PTK7: variants seen among roughly 807,000 people sequenced by gnomAD.
PTK7 encodes the protein inactive tyrosine-protein kinase 7.
PTK7 carries 39 observed loss-of-function variants against 116.6 expected under a neutral mutation model. That is an observed-to-expected ratio of 0.33 (90% CI 0.26 to 0.44). The LOEUF (loss-of-function observed/expected upper bound fraction) is 0.44, where lower values mean the gene tolerates loss of function less well. Ranked by LOEUF, PTK7 falls within the 20% of genes least tolerant of loss-of-function variation. The pLI is 1.00. For synonymous variants in PTK7, 546 were observed against 563.6 expected, an observed-to-expected ratio of 0.97 and a Z score of 0.44; for missense variants, 1,169 against 1,425.6, an observed-to-expected ratio of 0.82 and a Z score of 2.90.
Position 43,130,636 on chromosome 6 carries a change from G to T in PTK7, c.787G>T (p.Glu263Ter). The T allele has an allele frequency of 6.2e-7, 1 of 1,614,230 alleles. No homozygotes were observed. The highest frequency in any genetic ancestry group is 8.5e-7 in the Non-Finnish European group (1 of 1,180,042). ...GAGCCTGCAGTGGCTCTTTGAGGAT[G>T]AGACTCCCATCACTAACCGCAGTCG... ...PPSLQWLFED[E>*]TPITNRSRPP... The change falls in exon 5 of 20, where the codon GAG becomes TAG. Residue 263 changes from glutamate (E) to a stop codon, truncating the protein, a stop_gained. Coordinates refer to ENST00000230419, the MANE Select transcript of PTK7 (RefSeq NM_002821.5). LOFTEE classifies it high-confidence loss of function.
At position 43,143,938 on chromosome 6, in the gene PTK7, C is replaced by T. The variant is rs1184221838; in HGVS notation, c.2251+318C>T. 6.6e-6 allele frequency among the ~76,000 whole-genome samples: 1 copy of T among 152,212 alleles called. No individual in the cohort carries two copies. The highest frequency in any genetic ancestry group is 1.5e-5 in the Non-Finnish European group (1 of 68,038). On this transcript the variant is annotated intron_variant, in intron 14 of 19. Coordinates refer to ENST00000230419, the MANE Select transcript of PTK7 (RefSeq NM_002821.5). The surrounding 1 kb of genome is among the most constrained non-coding windows in gnomAD (Gnocchi z 4.2). Reference sequence around the variant, plus strand: ...ACGTTGCTGTTGCATGTCTTGTCTCCCTCTATGAGTCTAAGAGCTCCCCCA... The same window carrying T: ...ACGTTGCTGTTGCATGTCTTGTCTCTCTCTATGAGTCTAAGAGCTCCCCCA...
intron 1 of PTK7, among the ~76,000 whole-genome samples, chr6:43,119,769 C>T (rs2150414345): frequency 6.6e-6 from 1 of 152,310 alleles, no homozygotes; most frequent in East Asian, 1.9e-4. Flanking sequence ...TCACTGGCGT[C>T]TTCAGGAGAC....
chr6:43,098,269 A>G (rs1767365079), intron 1 of PTK7, among the ~76,000 whole-genome samples: 1 of 151,740 alleles, frequency 6.6e-6, no homozygotes, highest in Non-Finnish European at 1.5e-5. Flanking sequence ...CTGCTCTCAA[A>G]TCTATTCCCT....
chr6:43,157,831 AT>A (rs1291810395), intron 17 of PTK7, among the ~76,000 whole-genome samples: 3 of 151,460 alleles, frequency 2.0e-5, no homozygotes, highest in Non-Finnish European at 2.9e-5. Context: ...GGTTCAAGCG[AT>A]TCTTCTGCCT....
chr6:43,088,555 G>C (rs571549605), intron 1 of PTK7, among the ~76,000 whole-genome samples: 68 of 152,138 alleles, frequency 4.5e-4, no homozygotes, highest in African/African-American at 1.6e-3. Context: ...AGCCAGCTGT[G>C]GTGGTGCATG....
chr6:43,130,742 A>C (rs1769620926), intron 5 of PTK7, 81 bp downstream of exon 5: 2 of 1,520,462 alleles, frequency 1.3e-6, no homozygotes, highest in Admixed American at 1.7e-5. Flanking sequence ...TTTGTATCAC[A>C]GACATCACAG....
intron 1 of PTK7, among the ~76,000 whole-genome samples, chr6:43,108,989 T>A (rs1478700606): frequency 6.6e-6 from 1 of 152,242 alleles, no homozygotes; most frequent in Non-Finnish European, 1.5e-5. Context: ...TGCTTGATTC[T>A]TTACTGATTT....
intron 17 of PTK7, among the ~76,000 whole-genome samples, chr6:43,153,161 A>C (rs572006334): frequency 1.3e-5 from 2 of 151,866 alleles, no homozygotes; most frequent in East Asian, 3.9e-4. Flanking sequence ...CCCAGGCTGG[A>C]GTGCAGTGGC....
At chr6:43,100,511 CTG>C (rs1767515791) in intron 1 of PTK7, among the ~76,000 whole-genome samples, 1 of 149,952 alleles carries the variant, frequency 6.7e-6, no homozygotes, top group South Asian at 2.1e-4. Context: ...TCAAAGATGT[CTG>C]TTAAATCTGT....
At chr6:43,078,895 G>A (rs1051671791) in intron 1 of PTK7, among the ~76,000 whole-genome samples, 2 of 152,120 alleles carry the variant, frequency 1.3e-5, no homozygotes, top group Admixed American at 6.5e-5. Flanking sequence ...AAATTGAGTC[G>A]TCATGTTCTG....
At chr6:43,131,840 A>C in intron 5 of PTK7, 176 bp from the exon 6 acceptor site, 1 of 805,802 alleles carries the variant, frequency 1.2e-6, no homozygotes. Flanking sequence ...CGTGCACCTG[A>C]GCAAGTGTAT....
chr6:43,144,973 T>A, intron 15 of PTK7: 1 of 434,616 alleles, frequency 2.3e-6, no homozygotes, highest in East Asian at 3.4e-5. Context: ...CACCAAAAAT[T>A]CTCATGCGAG....
rs776962703 is a variant in PTK7 at position 43,129,062 on chromosome 6, T to C, written c.165T>C (p.Val55=). 2 of 1,614,200 alleles carry C rather than the reference T, an allele frequency of 1.2e-6. No individual in the cohort carries two copies. Among genetic ancestry groups the C allele is most frequent in the East Asian group, 4.5e-5 (2 of 44,880 alleles). ...QGRRALLRCE[V]EAPGPVHVYW... ...GCCGGGCGCTGCTTCGCTGTGAGGT[T>C]GAGGCTCCGGGCCCGGTACATGTGT... is the stretch of plus-strand genomic sequence containing the variant. The change falls in exon 2 of 20, where the codon GTT becomes GTC. Residue 55 remains valine (V), a synonymous_variant. Coordinates refer to ENST00000230419, the MANE Select transcript of PTK7 (RefSeq NM_002821.5). This position sits in a 1 kb window ranked among gnomAD's most constrained non-coding sequence, Gnocchi z 4.5.
intron 7 of PTK7, among the ~76,000 whole-genome samples, chr6:43,138,133 T>C (rs1770154001): frequency 6.6e-6 from 1 of 152,086 alleles, no homozygotes; most frequent in Non-Finnish European, 1.5e-5. Flanking sequence ...GAACATCTGT[T>C]TTCTTAGCTG....
At chr6:43,109,606 C>T (rs1473952824) in intron 1 of PTK7, among the ~76,000 whole-genome samples, 2 of 151,996 alleles carry the variant, frequency 1.3e-5, no homozygotes, top group African/African-American at 4.8e-5. Flanking sequence ...TGCTTACCAG[C>T]GTTGAGTGTT....
intron 1 of PTK7, among the ~76,000 whole-genome samples, chr6:43,108,314 C>G (rs1411335452): frequency 1.3e-5 from 2 of 151,364 alleles, no homozygotes; most frequent in Non-Finnish European, 2.9e-5. Context: ...AGGCTGGTCA[C>G]AAACTTCTGA....
intron 1 of PTK7, among the ~76,000 whole-genome samples, chr6:43,114,572 C>T (rs890401877): frequency 6.6e-6 from 1 of 152,016 alleles, no homozygotes; most frequent in Non-Finnish European, 1.5e-5. Context: ...GCCTTCCAGA[C>T]CCTGACTGAA....
intron 1 of PTK7, among the ~76,000 whole-genome samples, chr6:43,125,553 T>C (rs1448970113): frequency 6.6e-6 from 1 of 152,204 alleles, no homozygotes; most frequent in African/African-American, 2.4e-5. Flanking sequence ...GCTTATTGCC[T>C]TCAGACTTCT....
At chr6:43,104,757 G>T (rs2150394632) in intron 1 of PTK7, among the ~76,000 whole-genome samples, 1 of 149,770 alleles carries the variant, frequency 6.7e-6, no homozygotes, top group Non-Finnish European at 1.5e-5. Flanking sequence ...CTCTCAGGTT[G>T]ACAAAGATAT....
Sources: gnomAD v4.1 joint callset for allele counts (sites outside exome capture counted in the v4.1 genomes callset) on GRCh38, gnomAD v4.1.1 for gene constraint, Gnocchi (gnomAD v3.1) non-coding constraint, MANE v1.5 for transcripts, NCBI Gene and HGNC (gene_info 2026-07-23, HGNC 2026-07-21) for gene names.